ATP1B1: variants seen among roughly 807,000 people sequenced by gnomAD.
ATP1B1 encodes the protein sodium/potassium-transporting ATPase subunit beta-1.
Under a neutral mutation model 39.6 loss-of-function variants are expected in ATP1B1, and 3 were observed. The observed-to-expected ratio is 0.08, with a 90% CI of 0.03 to 0.20. ATP1B1 has a LOEUF of 0.20. Among genes scored for constraint, ATP1B1 ranks in the 10% least tolerant of loss-of-function variants. The pLI is 1.00. For missense variants in ATP1B1, 216 were observed against 371.1 expected (o/e 0.58, Z 3.43); for synonymous variants, 139 against 135.0 (o/e 1.03, Z -0.20).
Position 169,127,418 on chromosome 1 carries a change from A to G in ATP1B1, c.567+10A>G, listed in dbSNP as rs371574052. 1.0e-5 allele frequency: 16 copies of G among 1,601,138 alleles called. No individual in the cohort carries two copies. The highest frequency in any genetic ancestry group is 1.3e-5 in the Non-Finnish European group (15 of 1,175,550). ...AGGCTTCAAACCTAAGGCAAGTAAT[A>G]TTTTAAATGATAGAATTTAGATGAG... On this transcript the variant is annotated intron_variant, in intron 4 of 5. Coordinates refer to ENST00000367815, the MANE Select transcript of ATP1B1 (RefSeq NM_001677.4).
chr1:169,123,805 T>C (rs1317137055), intron 2 of ATP1B1, among the ~76,000 whole-genome samples: 2 of 152,158 alleles, frequency 1.3e-5, no homozygotes, highest in African/African-American at 4.8e-5. Flanking sequence ...TTTTGTATTT[T>C]TAGTAGAGAC....
At chr1:169,119,017 C>G (rs1252499552) in intron 2 of ATP1B1, among the ~76,000 whole-genome samples, 1 of 152,130 alleles carries the variant, frequency 6.6e-6, no homozygotes, top group Non-Finnish European at 1.5e-5. Flanking sequence ...GATGAACTTG[C>G]TACATTATAA....
At position 169,132,280 on chromosome 1, in the gene ATP1B1, G is replaced by A. The variant is rs1228132554; in HGVS notation, c.*725G>A. 25 of 576,166 alleles carry A rather than the reference G, an allele frequency of 4.3e-5. No individual in the cohort carries two copies. Among genetic ancestry groups the A allele is most frequent in the Non-Finnish European group, 6.5e-5 (21 of 321,280 alleles). 35.7% of individuals were successfully genotyped at this position (576,166 alleles called of 1,614,324 possible). A position where few individuals can be genotyped will look rare whatever the true frequency, so the allele number is the denominator to read the frequency against. On this transcript the variant is annotated 3_prime_UTR_variant, in exon 6 of 6. Coordinates refer to ENST00000367815, the MANE Select transcript of ATP1B1 (RefSeq NM_001677.4). ...CTTGACATCTCTTGCCTTGTCCTCCGGTATGTTCTAAAGCTGTGTCTGAGA... is the reference window on the plus strand; with the variant it reads ...CTTGACATCTCTTGCCTTGTCCTCCAGTATGTTCTAAAGCTGTGTCTGAGA...
In ATP1B1 at chr1:169,130,066, C is replaced by A. The variant is rs879165676; in HGVS notation, c.624C>A (p.Val208=). Residue 208 remains valine, a synonymous_variant, in exon 5 of 6, where the codon GTC becomes GTA. Coordinates refer to ENST00000367815, the MANE Select transcript of ATP1B1 (RefSeq NM_001677.4). ...CAGTGATGAAGTATAACCCAAATGT[C>A]CTTCCCGTTCAGTGCACTGGCAAGG... is the stretch of plus-strand genomic sequence containing the variant. ...TYPVMKYNPN[V]LPVQCTGKRD... is the part of the protein sequence containing the mutation. The A allele has an allele frequency of 3.7e-6, 6 of 1,613,786 alleles. No individual in the cohort carries two copies. Among genetic ancestry groups the A allele is most frequent in the African/African-American group, 2.7e-5 (2 of 74,878 alleles).
At chr1:169,128,075 T>C (rs1171014599) in intron 4 of ATP1B1, among the ~76,000 whole-genome samples, 1 of 152,182 alleles carries the variant, frequency 6.6e-6, no homozygotes, top group South Asian at 2.1e-4. Flanking sequence ...GAGATTATAT[T>C]CTCCATAAGA....
Position 169,131,447 on chromosome 1 carries a change from G to A in ATP1B1, c.804G>A (p.Met268Ile). ...LLAVQFTNLT[M>I]DTEIRIECKA... is the part of the protein sequence containing the mutation. Reference sequence around the variant, plus strand: ...CCGTACAGTTCACCAATCTTACCATGGACACTGAAATTCGCATAGAGTGTA... The same window carrying A: ...CCGTACAGTTCACCAATCTTACCATAGACACTGAAATTCGCATAGAGTGTA... The change falls in exon 6 of 6, where the codon ATG (methionine) becomes ATA (isoleucine). Residue 268 changes from methionine to isoleucine, a missense_variant. Transcript: ENST00000367815. This position sits in a 1 kb window ranked among gnomAD's most constrained non-coding sequence, Gnocchi z 4.4. The A allele has an allele frequency of 6.2e-7, 1 of 1,614,104 alleles. No homozygotes were observed. Among genetic ancestry groups the A allele is most frequent in the Non-Finnish European group, 8.5e-7 (1 of 1,180,036 alleles).
At chr1:169,119,453 C>A (rs930985176) in intron 2 of ATP1B1, among the ~76,000 whole-genome samples, 6 of 152,190 alleles carry the variant, frequency 3.9e-5, no homozygotes, top group African/African-American at 1.4e-4. Flanking sequence ...ATTGGGTGTT[C>A]TGCTGTCTTT....
At chr1:169,123,907 G>A (rs1226975054) in intron 2 of ATP1B1, among the ~76,000 whole-genome samples, 4 of 152,178 alleles carry the variant, frequency 2.6e-5, no homozygotes, top group South Asian at 2.1e-4. Context: ...GATTATAGGC[G>A]TGAGCCACCA....
intron 2 of ATP1B1, among the ~76,000 whole-genome samples, chr1:169,115,960 C>T (rs968713470): frequency 2.0e-5 from 3 of 152,244 alleles, no homozygotes; most frequent in Non-Finnish European, 4.4e-5. Context: ...TGCTCTGCAG[C>T]ATCGCTTCTC....
At chr1:169,125,072 G>T (rs772879342) in intron 3 of ATP1B1, 33 bp downstream of exon 3, 2 of 1,554,012 alleles carry the variant, frequency 1.3e-6, no homozygotes, top group East Asian at 2.3e-5. Context: ...TCTGTGGCTA[G>T]TTTTCTTTCT....
intron 2 of ATP1B1, among the ~76,000 whole-genome samples, chr1:169,112,585 G>A (rs527676610): frequency 1.3e-5 from 2 of 152,336 alleles, no homozygotes; most frequent in South Asian, 4.1e-4. Context: ...AAGGGCTACT[G>A]CCTGCCACAG....
At chr1:169,130,652 C>T (rs1357719374) in intron 5 of ATP1B1, among the ~76,000 whole-genome samples, 1 of 151,668 alleles carries the variant, frequency 6.6e-6, no homozygotes, top group Non-Finnish European at 1.5e-5. Flanking sequence ...CTGGGCGTGG[C>T]GGCGCGTGCC....
intron 2 of ATP1B1, among the ~76,000 whole-genome samples, chr1:169,122,209 C>T (rs998790985): frequency 2.0e-5 from 3 of 152,208 alleles, no homozygotes; most frequent in Non-Finnish European, 4.4e-5. Context: ...ATGACCGTCC[C>T]TCAAGGCTCC....
chr1:169,116,387 G>A lies in ATP1B1; in HGVS notation c.226+4889G>A, dbSNP rs1657847873. Among the ~76,000 whole-genome samples, 4 of 152,244 alleles carry A rather than the reference G, an allele frequency of 2.6e-5. No individual in the cohort carries two copies. The South Asian group carries it at 8.3e-4, about 32-fold the overall frequency. ...GGGTGGCTGTTTGTTTAGCTCTGAAGTATAGACGGCTCAGTGCTAGCAGAC... is the reference window on the plus strand; with the variant it reads ...GGGTGGCTGTTTGTTTAGCTCTGAAATATAGACGGCTCAGTGCTAGCAGAC... On this transcript the variant is annotated intron_variant, in intron 2 of 5. Coordinates refer to ENST00000367815, the MANE Select transcript of ATP1B1 (RefSeq NM_001677.4).
chr1:169,132,422 T>C lies in ATP1B1; in HGVS notation c.*867T>C, dbSNP rs1658257062. 2.3e-6 allele frequency: 1 copy of C among 439,962 alleles called. No homozygotes were observed. Among genetic ancestry groups the C allele is most frequent in the Non-Finnish European group, 4.1e-6 (1 of 246,192 alleles). The allele number at this position is 439,962 out of a possible 1,614,324, so 27.3% of individuals were successfully genotyped here. A position where few individuals can be genotyped will look rare whatever the true frequency, so the allele number is the denominator to read the frequency against. On this transcript the variant is annotated 3_prime_UTR_variant, in exon 6 of 6. Coordinates refer to ENST00000367815, the MANE Select transcript of ATP1B1 (RefSeq NM_001677.4). ...ATCACATGCTGGTGCTGTGTCTTTA[T>C]GAATGTTTTAACCATTTTCATGGTG...
rs1201243453 is a variant in ATP1B1, at chr1:169,120,524, G to A, written c.227-4360G>A. On this transcript the variant is annotated intron_variant, in intron 2 of 5. Coordinates refer to ENST00000367815, the MANE Select transcript of ATP1B1 (RefSeq NM_001677.4). ...TACTTAAAATGGAAAGGACAGGGCAGAGGCTTTGGCCTAGGGTCTAATCCA... is the reference window on the plus strand; with the variant it reads ...TACTTAAAATGGAAAGGACAGGGCAAAGGCTTTGGCCTAGGGTCTAATCCA... Among the ~76,000 whole-genome samples, 5 of 152,220 alleles carry A rather than the reference G, an allele frequency of 3.3e-5. No homozygotes were observed. The South Asian group carries it at 8.3e-4, about 25-fold the overall frequency.
Position 169,124,819 on chromosome 1 carries a change from A to G in ATP1B1, c.227-65A>G. The G allele has an allele frequency of 3.2e-6, 5 of 1,548,812 alleles. No individual in the cohort carries two copies. The South Asian group carries it at 5.8e-5, about 18-fold the overall frequency. ...AGCAAAGTATGTTTTGTATGTGGAA[A>G]GTCTACTTTTGAATTGTCTTCGTTT... On this transcript the variant is annotated intron_variant, in intron 2 of 5. Transcript: ENST00000367815.
At position 169,106,870 on chromosome 1, in the gene ATP1B1, A is replaced by C; in HGVS notation, c.41A>C (p.Lys14Thr). ...GKAKEEGSWK[K>T]FIWNSEKKEF... ...GCCAAGGAGGAGGGCAGCTGGAAGA[A>C]ATTCATCTGGAACTCAGAGAAGAAG... Residue 14 changes from lysine (K) to threonine (T), a missense_variant, in exon 1 of 6, where the codon AAA becomes ACA. Lys to Thr is a moderately conservative substitution (Grantham distance 78, BLOSUM62 -1). Transcript: ENST00000367815. 1 of 1,587,212 alleles carries C rather than the reference A, an allele frequency of 6.3e-7. No individual in the cohort carries two copies. The highest frequency in any genetic ancestry group is 8.6e-7 in the Non-Finnish European group (1 of 1,169,108).
Position 169,106,691 on chromosome 1 carries a change from C to G in ATP1B1, c.-139C>G. The G allele has an allele frequency of 1.7e-6, 1 of 590,122 alleles. No homozygotes were observed. Among genetic ancestry groups the G allele is most frequent in the Non-Finnish European group, 2.7e-6 (1 of 372,206 alleles). 36.6% of individuals were successfully genotyped at this position (590,122 alleles called of 1,614,324 possible). On this transcript the variant is annotated 5_prime_UTR_variant, in exon 1 of 6. Transcript: ENST00000367815. Reference sequence around the variant, plus strand: ...TGGCTCCTCCGCCGCGCGTCTCGCACTCCGAGAGCCGCAGCGGCAGCGGCG... The same window carrying G: ...TGGCTCCTCCGCCGCGCGTCTCGCAGTCCGAGAGCCGCAGCGGCAGCGGCG...
Sources: gnomAD v4.1 joint callset for allele counts (sites outside exome capture counted in the v4.1 genomes callset) on GRCh38, gnomAD v4.1.1 for gene constraint, Gnocchi (gnomAD v3.1) non-coding constraint, MANE v1.5 for transcripts, NCBI Gene and HGNC (gene_info 2026-07-23, HGNC 2026-07-21) for gene names.